The following ENOX1 variants were observed in gnomAD, a reference collection of about 807,000 sequenced individuals.
The protein encoded by ENOX1 is candidate growth-related and time keeping constitutive hydroquinone (NADH) oxidase.
A neutral mutation model predicts 82.5 loss-of-function variants in ENOX1; 42 were observed. The observed-to-expected ratio is 0.51, with a 90% confidence interval of 0.40 to 0.66. The LOEUF (loss-of-function observed/expected upper bound fraction) is 0.66. ENOX1 is among the 30% of genes least tolerant of loss of function. The pLI, the probability that ENOX1 is intolerant of heterozygous loss-of-function variation, is 0.00. For synonymous variants in ENOX1, 271 were observed against 282.2 expected, an observed-to-expected ratio of 0.96 and a Z score of 0.40; for missense variants, 608 against 811.6, an observed-to-expected ratio of 0.75 and a Z score of 3.05.
At chr13:43,574,748 C>T (rs1287584407) in intron 2 of ENOX1, among the ~76,000 whole-genome samples, 1 of 152,170 alleles carries the variant, frequency 6.6e-6, no homozygotes, top group Admixed American at 6.5e-5. Context: ...GAAAGAGAAA[C>T]CACTGGTTTC....
chr13:43,471,217 A>G (rs2058052277), intron 3 of ENOX1, among the ~76,000 whole-genome samples: 1 of 152,154 alleles, frequency 6.6e-6, no homozygotes, highest in South Asian at 2.1e-4. Context: ...GCCTGACACG[A>G]AAGAGTATAT....
intron 16 of ENOX1, among the ~76,000 whole-genome samples, chr13:43,217,661 G>A (rs181510189): frequency 7.7e-4 from 118 of 152,280 alleles, no homozygotes; most frequent in African/African-American, 2.8e-3. Flanking sequence ...CACAGTGATA[G>A]AACAATCAGT....
chr13:43,619,759 G>A (rs1221571645), intron 2 of ENOX1, among the ~76,000 whole-genome samples: 1 of 152,080 alleles, frequency 6.6e-6, no homozygotes, highest in African/African-American at 2.4e-5. Context: ...GGTGATGCTG[G>A]CTTCACAGAA....
intron 2 of ENOX1, among the ~76,000 whole-genome samples, chr13:43,550,522 T>C (rs1000309132): frequency 5.9e-5 from 9 of 152,116 alleles, no homozygotes; most frequent in Non-Finnish European, 1.2e-4. Context: ...CAAGAATAGT[T>C]TTGCCTACAC....
intron 1 of ENOX1, among the ~76,000 whole-genome samples, chr13:43,776,008 G>A (rs1015959697): frequency 6.6e-6 from 1 of 152,088 alleles, no homozygotes; most frequent in Non-Finnish European, 1.5e-5. Context: ...TTGTTTTTAT[G>A]ATATAACCAC....
chr13:43,643,876 T>C (rs2083776211), intron 2 of ENOX1, among the ~76,000 whole-genome samples: 1 of 152,096 alleles, frequency 6.6e-6, no homozygotes, highest in Admixed American at 6.6e-5. Flanking sequence ...TACCTTTACA[T>C]GCAAAATACA....
intron 2 of ENOX1, among the ~76,000 whole-genome samples, chr13:43,615,383 A>G (rs1481086642): frequency 6.6e-6 from 1 of 152,164 alleles, no homozygotes; most frequent in Non-Finnish European, 1.5e-5. Flanking sequence ...TGTGTCGCAT[A>G]CATTTCAACA....
chr13:43,441,572 G>A (rs1019055143), intron 3 of ENOX1, among the ~76,000 whole-genome samples: 1 of 152,134 alleles, frequency 6.6e-6, no homozygotes, highest in South Asian at 2.1e-4. Context: ...TGACCAGGCT[G>A]CTTCTAAACA....
chr13:43,460,882 T>C (rs997320455), intron 3 of ENOX1, among the ~76,000 whole-genome samples: 1 of 147,778 alleles, frequency 6.8e-6, no homozygotes, highest in African/African-American at 2.5e-5. Context: ...GGTGTTAGCT[T>C]GAGAGAAGGA....
intron 5 of ENOX1, among the ~76,000 whole-genome samples, chr13:43,379,699 T>C (rs1357372070): frequency 6.6e-6 from 1 of 152,002 alleles, no homozygotes; most frequent in Non-Finnish European, 1.5e-5. Context: ...GTCTAAGATA[T>C]TTGTAATTAA....
At chr13:43,542,263 C>T (rs1295295405) in intron 2 of ENOX1, among the ~76,000 whole-genome samples, 1 of 151,952 alleles carries the variant, frequency 6.6e-6, no homozygotes, top group Non-Finnish European at 1.5e-5. Flanking sequence ...CCTCAGCCTC[C>T]CAAGAAGCTG....
chr13:43,773,151 A>G lies in ENOX1; in HGVS notation c.-285+13501T>C, dbSNP rs1200596221. Among the ~76,000 whole-genome samples, 3 of 152,284 alleles carry G rather than the reference A, an allele frequency of 2.0e-5. No individual in the cohort carries two copies. In the East Asian group the frequency reaches 5.8e-4, roughly 29 times the overall value. ...CTTGTTTCTAGTCTTGCCCTCTCCAATCTCTCCTCCAGAAACCTGCCAGAA... is the reference window on the plus strand; with the variant it reads ...CTTGTTTCTAGTCTTGCCCTCTCCAGTCTCTCCTCCAGAAACCTGCCAGAA... On this transcript the variant is annotated intron_variant, in intron 1 of 16. Coordinates refer to ENST00000690772, the MANE Select transcript of ENOX1 (RefSeq NM_001347969.2).
At chr13:43,397,307 TA>T (rs1202328210) in intron 5 of ENOX1, among the ~76,000 whole-genome samples, 3 of 152,216 alleles carry the variant, frequency 2.0e-5, no homozygotes, top group African/African-American at 7.2e-5. Context: ...GAGAGGCCAC[TA>T]AGTGTTGAAA....
At chr13:43,292,367 G>A (rs2046046905) in intron 12 of ENOX1, among the ~76,000 whole-genome samples, 1 of 152,164 alleles carries the variant, frequency 6.6e-6, no homozygotes, top group African/African-American at 2.4e-5. Flanking sequence ...AAAAGATGAT[G>A]GGCATGGAGC....
intron 1 of ENOX1, among the ~76,000 whole-genome samples, chr13:43,756,898 G>T (rs1315890647): frequency 7.0e-6 from 1 of 143,704 alleles, no homozygotes; most frequent in Non-Finnish European, 1.5e-5. Context: ...TGAGGTAAGA[G>T]GATCCTTTAA....
intron 2 of ENOX1, among the ~76,000 whole-genome samples, chr13:43,606,852 TA>T (rs548543169): frequency 6.6e-6 from 1 of 151,412 alleles, no homozygotes; most frequent in African/African-American, 2.4e-5. Context: ...CCATCTCTAC[TA>T]AAAAAAATAG....
At chr13:43,767,797 G>A (rs1219156386) in intron 1 of ENOX1, among the ~76,000 whole-genome samples, 1 of 152,184 alleles carries the variant, frequency 6.6e-6, no homozygotes, top group African/African-American at 2.4e-5. Context: ...CACAAACATG[G>A]GCAGTGCATA....
intron 1 of ENOX1, among the ~76,000 whole-genome samples, chr13:43,775,461 C>G (rs1951858664): frequency 6.6e-6 from 1 of 152,076 alleles, no homozygotes; most frequent in Admixed American, 6.6e-5. Context: ...TTTTTCAGTA[C>G]TTGAGTTTTC....
intron 5 of ENOX1, among the ~76,000 whole-genome samples, chr13:43,403,773 G>A (rs1326002405): frequency 6.6e-6 from 1 of 152,030 alleles, no homozygotes; most frequent in Non-Finnish European, 1.5e-5. Flanking sequence ...CCGGGAAGTT[G>A]AAGCTGTAGT....
Sources: gnomAD v4.1 joint callset for allele counts (sites outside exome capture counted in the v4.1 genomes callset) on GRCh38, gnomAD v4.1.1 for gene constraint, MANE v1.5 for transcripts, NCBI Gene and HGNC (gene_info 2026-07-23, HGNC 2026-07-21) for gene names.